The following CCDC179 variants were observed in gnomAD, a reference collection of about 807,000 sequenced individuals.
CCDC179 encodes coiled-coil domain containing 179.
CCDC179 carries 17 observed loss-of-function variants against 12.0 expected under a neutral mutation model. That is an observed-to-expected ratio of 1.42 (90% CI 0.97 to 2.13). The LOEUF is 2.13. Among genes scored for constraint, CCDC179 ranks in the 30% most tolerant of loss-of-function variants. The pLI, the probability that CCDC179 is intolerant of heterozygous loss-of-function variation, is 0.00. For missense variants in CCDC179, 83 were observed against 78.6 expected (o/e 1.06, Z -0.21); for synonymous variants, 27 against 26.4 (o/e 1.02, Z -0.07).
chr11:22,859,012 G>A (rs1335636791), intron 2 of CCDC179, among the ~76,000 whole-genome samples: 2 of 151,870 alleles, frequency 1.3e-5, no homozygotes, highest in African/African-American at 4.8e-5. Flanking sequence ...CCAAGCAAAA[G>A]CAAATAGTGC....
intron 3 of CCDC179, among the ~76,000 whole-genome samples, chr11:22,857,616 A>T (rs2134849609): frequency 6.6e-6 from 1 of 151,892 alleles, no homozygotes; most frequent in South Asian, 2.1e-4. Flanking sequence ...AAATTTTCAG[A>T]TATATAGCCA....
At chr11:22,848,130 T>C (rs1368269901) in intron 3 of CCDC179, among the ~76,000 whole-genome samples, 1 of 152,192 alleles carries the variant, frequency 6.6e-6, no homozygotes, top group Admixed American at 6.5e-5. Context: ...CTTAACGATA[T>C]AATTTTTAAA....
chr11:22,847,375 C>T lies in CCDC179; in HGVS notation c.*135G>A. 8.6e-6 allele frequency: 4 copies of T among 464,160 alleles called. No homozygotes were observed. Among genetic ancestry groups the T allele is most frequent in the Non-Finnish European group, 1.5e-5 (4 of 272,514 alleles). The allele number at this position is 464,160 out of a possible 1,614,324, so 28.8% of individuals were successfully genotyped here. A position where few individuals can be genotyped will look rare whatever the true frequency, so the allele number is the denominator to read the frequency against. Reference sequence around the variant, plus strand: ...GTAGCTTGGATATTAAATACTTGCACTGTGTTTATTTTTCCGAAATGGTGG... The same window carrying T: ...GTAGCTTGGATATTAAATACTTGCATTGTGTTTATTTTTCCGAAATGGTGG... On this transcript the variant is annotated 3_prime_UTR_variant, in exon 4 of 4. Coordinates refer to ENST00000532798, the MANE Select transcript of CCDC179 (RefSeq NM_001195637.2).
At chr11:22,853,169 T>C (rs1232155563) in intron 3 of CCDC179, among the ~76,000 whole-genome samples, 2 of 152,190 alleles carry the variant, frequency 1.3e-5, no homozygotes, top group African/African-American at 4.8e-5. Flanking sequence ...ACTAAAAGCT[T>C]GTCTTCCTTA....
chr11:22,849,647 T>A (rs902203865), intron 3 of CCDC179, among the ~76,000 whole-genome samples: 1 of 152,246 alleles, frequency 6.6e-6, no homozygotes, highest in East Asian at 1.9e-4. Flanking sequence ...CAACGTATAG[T>A]CTTTTAGCCC....
At chr11:22,855,585 A>G (rs1481374525) in intron 3 of CCDC179, among the ~76,000 whole-genome samples, 1 of 151,560 alleles carries the variant, frequency 6.6e-6, no homozygotes, top group East Asian at 1.9e-4. Context: ...TTAAATTAAT[A>G]TATTAGAAAA....
chr11:22,851,285 G>C, intron 3 of CCDC179, among the ~76,000 whole-genome samples: 1 of 151,648 alleles, frequency 6.6e-6, no homozygotes, highest in South Asian at 2.1e-4. Context: ...AAAACAAATG[G>C]TAAACAAAGC....
At chr11:22,849,850 T>C (rs1447692068) in intron 3 of CCDC179, among the ~76,000 whole-genome samples, 1 of 150,948 alleles carries the variant, frequency 6.6e-6, no homozygotes. Flanking sequence ...AATTTAGGAG[T>C]GGAGGTTTAA....
chr11:22,850,961 TATATATA>T (rs1564915052), intron 3 of CCDC179, among the ~76,000 whole-genome samples: 16 of 16,656 alleles, frequency 9.6e-4, no homozygotes, highest in Middle Eastern at 0.018. Context: ...TATATATATA[TATATATA>T]TATATATATT....
In CCDC179 at chr11:22,847,261, T is replaced by G. The variant is rs1858243724; in HGVS notation, c.*249A>C. On this transcript the variant is annotated 3_prime_UTR_variant, in exon 4 of 4. Coordinates refer to ENST00000532798, the MANE Select transcript of CCDC179 (RefSeq NM_001195637.2). ...AAGTCTACCTATACATATTCATTAT[T>G]ATTTGTTGAAAAGCAGCAAATTTCA... 1 of 330,194 alleles carries G rather than the reference T, an allele frequency of 3.0e-6. No homozygotes were observed. Among genetic ancestry groups the G allele is most frequent in the African/African-American group, 2.1e-5 (1 of 46,844 alleles). The allele number at this position is 330,194 out of a possible 1,614,324, so 20.5% of individuals were successfully genotyped here.
chr11:22,849,632 A>G (rs1858322578), intron 3 of CCDC179, among the ~76,000 whole-genome samples: 2 of 152,082 alleles, frequency 1.3e-5, no homozygotes, highest in African/African-American at 2.4e-5. Context: ...AATATACACT[A>G]TACCCAACGT....
At chr11:22,854,258 G>C (rs1337980503) in intron 3 of CCDC179, among the ~76,000 whole-genome samples, 1 of 151,600 alleles carries the variant, frequency 6.6e-6, no homozygotes, top group Non-Finnish European at 1.5e-5. Context: ...GTACTTAAAG[G>C]AAGAGCATTA....
chr11:22,860,306 C>A, intron 1 of CCDC179, 71 bp downstream of exon 1: 1 of 1,492,940 alleles, frequency 6.7e-7, no homozygotes, highest in Non-Finnish European at 8.9e-7. Flanking sequence ...ATGGCCAAGG[C>A]CACAGTGGCC....
intron 2 of CCDC179, among the ~76,000 whole-genome samples, chr11:22,858,696 A>G (rs1405801970): frequency 2.0e-5 from 3 of 152,074 alleles, no homozygotes; most frequent in Non-Finnish European, 2.9e-5. Flanking sequence ...TGCTTTTCCT[A>G]TGATTCAACC....
At chr11:22,855,408 A>G (rs1377654795) in intron 3 of CCDC179, among the ~76,000 whole-genome samples, 4 of 151,644 alleles carry the variant, frequency 2.6e-5, no homozygotes, top group African/African-American at 9.7e-5. Flanking sequence ...ATAACTGGAA[A>G]TTCCTCAAAT....
intron 2 of CCDC179, among the ~76,000 whole-genome samples, chr11:22,859,100 A>G (rs957111961): frequency 7.9e-5 from 12 of 152,082 alleles, no homozygotes; most frequent in African/African-American, 2.9e-4. Context: ...GATGGAGGTC[A>G]CCTCTGGGAG....
intron 3 of CCDC179, among the ~76,000 whole-genome samples, chr11:22,853,333 C>A (rs1286277564): frequency 6.6e-6 from 1 of 152,048 alleles, no homozygotes; most frequent in Non-Finnish European, 1.5e-5. Context: ...TTGGAACTTA[C>A]AATAATTATG....
intron 3 of CCDC179, among the ~76,000 whole-genome samples, chr11:22,849,936 C>A (rs144463581): frequency 6.6e-6 from 1 of 152,030 alleles, no homozygotes; most frequent in Non-Finnish European, 1.5e-5. Context: ...AAAGACGGGC[C>A]GGTGGTGGAG....
At chr11:22,851,453 G>GTTTAA (rs1370150357) in intron 3 of CCDC179, among the ~76,000 whole-genome samples, 2 of 152,158 alleles carry the variant, frequency 1.3e-5, no homozygotes. Flanking sequence ...AAGGAAGTCA[G>GTTTAA]TTTAATTTTT....
Sources: gnomAD v4.1 joint callset for allele counts (sites outside exome capture counted in the v4.1 genomes callset) on GRCh38, gnomAD v4.1.1 for gene constraint, MANE v1.5 for transcripts, NCBI Gene and HGNC (gene_info 2026-07-23, HGNC 2026-07-21) for gene names.